UNC5D: variants seen among roughly 807,000 people sequenced by gnomAD.
The protein encoded by UNC5D is unc-5 netrin receptor D.
Under a neutral mutation model 105.4 loss-of-function variants are expected in UNC5D, and 39 were observed. The observed-to-expected ratio is 0.37, with a 90% CI of 0.29 to 0.48. The LOEUF (loss-of-function observed/expected upper bound fraction) is 0.48. Ranked by LOEUF, UNC5D falls within the 20% of genes least tolerant of loss-of-function variation. UNC5D has a pLI of 0.98. For synonymous variants in UNC5D, 452 were observed against 450.4 expected, an observed-to-expected ratio of 1.00 and a Z score of -0.04; for missense variants, 991 against 1,202.4, an observed-to-expected ratio of 0.82 and a Z score of 2.60.
chr8:35,726,539 A>G lies in UNC5D; in HGVS notation c.1681+10A>G. The G allele has an allele frequency of 6.2e-7, 1 of 1,608,870 alleles. No individual in the cohort carries two copies. The highest frequency in any genetic ancestry group is 1.1e-5 in the South Asian group (1 of 90,990). ...GTAATGCCAAATACAGGTGGGTGGT[A>G]AGTGTGTGTTTGTGTATTTTCCATC... On this transcript the variant is annotated intron_variant, in intron 10 of 16. Transcript: ENST00000404895.
chr8:35,748,473 A>G, intron 11 of UNC5D, 54 bp from the exon 12 acceptor site: 2 of 1,544,894 alleles, frequency 1.3e-6, no homozygotes, highest in South Asian at 1.3e-5. Flanking sequence ...TCTCATTCAA[A>G]TATGGCCCCT....
At chr8:35,547,071 GAAA>G (rs112358447) in intron 1 of UNC5D, among the ~76,000 whole-genome samples, 19,162 of 151,640 alleles carry the variant, frequency 0.13, 1,463 homozygotes, top group East Asian at 0.24. Flanking sequence ...TATTTAATGG[GAAA>G]AAAAATCTTA....
chr8:35,713,711 T>G (rs1325709068), intron 8 of UNC5D, among the ~76,000 whole-genome samples: 1 of 152,182 alleles, frequency 6.6e-6, no homozygotes, highest in Non-Finnish European at 1.5e-5. Flanking sequence ...CGACCTTTGT[T>G]GCCAACCTTG....
chr8:35,281,691 C>G (rs1346932176), intron 1 of UNC5D, among the ~76,000 whole-genome samples: 1 of 152,164 alleles, frequency 6.6e-6, no homozygotes, highest in African/African-American at 2.4e-5. Flanking sequence ...GCAGAATGTT[C>G]TCCTGTGAGC....
intron 1 of UNC5D, among the ~76,000 whole-genome samples, chr8:35,350,752 T>C (rs1812180641): frequency 6.6e-6 from 1 of 151,994 alleles, no homozygotes; most frequent in Non-Finnish European, 1.5e-5. Flanking sequence ...ACCGGGGGAA[T>C]GGGAAACGTT....
At chr8:35,420,596 C>T (rs1172356510) in intron 1 of UNC5D, among the ~76,000 whole-genome samples, 1 of 152,216 alleles carries the variant, frequency 6.6e-6, no homozygotes, top group African/African-American at 2.4e-5. Context: ...CTAGCAGGTG[C>T]ATCTGCAAAG....
chr8:35,508,988 G>T (rs1812510924), intron 1 of UNC5D, among the ~76,000 whole-genome samples: 1 of 152,132 alleles, frequency 6.6e-6, no homozygotes, highest in Admixed American at 6.6e-5. Flanking sequence ...TAAGGTAAAT[G>T]AAAAATTACT....
intron 1 of UNC5D, among the ~76,000 whole-genome samples, chr8:35,381,935 A>T (rs1803068016): frequency 6.6e-6 from 1 of 152,212 alleles, no homozygotes; most frequent in Non-Finnish European, 1.5e-5. Flanking sequence ...ATCTTCATTA[A>T]CTTAAAAAGT....
intron 13 of UNC5D, among the ~76,000 whole-genome samples, chr8:35,755,426 T>C (rs1830470745): frequency 6.6e-6 from 1 of 152,102 alleles, no homozygotes; most frequent in African/African-American, 2.4e-5. Flanking sequence ...TGGGAAATAT[T>C]GTTCACGTAA....
chr8:35,780,272 C>G (rs186343095), intron 16 of UNC5D, among the ~76,000 whole-genome samples: 1 of 152,292 alleles, frequency 6.6e-6, no homozygotes, highest in Admixed American at 6.5e-5. Flanking sequence ...GGTGTAAAAA[C>G]CGTATACGTG....
At chr8:35,327,681 T>C (rs780143624) in intron 1 of UNC5D, among the ~76,000 whole-genome samples, 3 of 152,218 alleles carry the variant, frequency 2.0e-5, no homozygotes, top group Non-Finnish European at 4.4e-5. Context: ...TGACTGCAAC[T>C]GCTCTTTCCG....
intron 1 of UNC5D, among the ~76,000 whole-genome samples, chr8:35,396,173 A>T (rs1021008676): frequency 6.6e-6 from 1 of 152,146 alleles, no homozygotes; most frequent in African/African-American, 2.4e-5. Flanking sequence ...ATCTACATTT[A>T]GGAATTTGAT....
In UNC5D at chr8:35,795,744, A is replaced by G. The variant is rs1803230024; in HGVS notation, c.*5181A>G. On this transcript the variant is annotated 3_prime_UTR_variant, in exon 17 of 17. Transcript: ENST00000404895. ...ACTACCATTCAAAACTTTTCTATAC[A>G]AAGGTGGAAAAGCACTCAGAATCTG... 6.6e-6 allele frequency: 1 copy of G among 152,202 alleles called. No individual in the cohort carries two copies. Among genetic ancestry groups the G allele is most frequent in the African/African-American group, 2.4e-5 (1 of 41,468 alleles). The allele number at this position is 152,202 out of a possible 1,614,324, so 9.4% of individuals were successfully genotyped here. A position where few individuals can be genotyped will look rare whatever the true frequency, so the allele number is the denominator to read the frequency against.
intron 1 of UNC5D, among the ~76,000 whole-genome samples, chr8:35,236,167 G>T (rs1802445705): frequency 6.6e-6 from 1 of 152,098 alleles, no homozygotes; most frequent in Admixed American, 6.5e-5. Flanking sequence ...CTCCCCAATT[G>T]CTGCAGACTG....
At chr8:35,573,039 G>A (rs1394166526) in intron 3 of UNC5D, among the ~76,000 whole-genome samples, 3 of 152,018 alleles carry the variant, frequency 2.0e-5, no homozygotes, top group Admixed American at 6.6e-5. Flanking sequence ...TCCTGACCTC[G>A]TGATCCGCCT....
At chr8:35,493,897 T>A (rs1811372821) in intron 1 of UNC5D, among the ~76,000 whole-genome samples, 1 of 152,166 alleles carries the variant, frequency 6.6e-6, no homozygotes, top group Non-Finnish European at 1.5e-5. Context: ...GGTAAATTTT[T>A]TTAAGCAAAG....
intron 1 of UNC5D, among the ~76,000 whole-genome samples, chr8:35,243,672 AC>A (rs1243284292): frequency 1.3e-5 from 2 of 152,138 alleles, no homozygotes; most frequent in Non-Finnish European, 2.9e-5. Flanking sequence ...TTTAAAAAAA[AC>A]AGAGCAGTGA....
At chr8:35,753,516 G>A (rs1297533451) in intron 13 of UNC5D, among the ~76,000 whole-genome samples, 1 of 152,138 alleles carries the variant, frequency 6.6e-6, no homozygotes, top group Non-Finnish European at 1.5e-5. Flanking sequence ...GCCTCCCAAA[G>A]TGCTGTGATT....
At chr8:35,303,178 C>A (rs1002202969) in intron 1 of UNC5D, among the ~76,000 whole-genome samples, 9 of 152,100 alleles carry the variant, frequency 5.9e-5, no homozygotes, top group African/African-American at 2.2e-4. Flanking sequence ...GAGCACATCT[C>A]AATTTGGATG....
Sources: gnomAD v4.1 joint callset for allele counts (sites outside exome capture counted in the v4.1 genomes callset) on GRCh38, gnomAD v4.1.1 for gene constraint, MANE v1.5 for transcripts, NCBI Gene and HGNC (gene_info 2026-07-23, HGNC 2026-07-21) for gene names.